HMBOX1: variants seen among roughly 807,000 people sequenced by gnomAD.
HMBOX1 encodes the protein homeobox-containing protein 1.
A neutral mutation model predicts 54.5 loss-of-function variants in HMBOX1; 14 were observed. The ratio of observed to expected loss-of-function variants is 0.26; its 90% CI spans 0.17 to 0.40. HMBOX1 has a LOEUF of 0.40. Among genes scored for constraint, HMBOX1 ranks in the 10% least tolerant of loss-of-function variants. The pLI, the probability that HMBOX1 is intolerant of heterozygous loss-of-function variation, is 1.00. For synonymous variants in HMBOX1, 160 were observed against 181.0 expected, an observed-to-expected ratio of 0.88 and a Z score of 0.93; for missense variants, 332 against 514.4, an observed-to-expected ratio of 0.65 and a Z score of 3.43.
At position 28,945,253 on chromosome 8, in the gene HMBOX1, G is replaced by A. The variant is rs143392097; in HGVS notation, c.-57-18558G>A. 1.7e-3 allele frequency among the ~76,000 whole-genome samples: 254 copies of A among 152,296 alleles called. 2 individuals carry two copies. Among genetic ancestry groups the A allele is most frequent in the Middle Eastern group, 0.01 (3 of 294 alleles). ...GTTCTCATACTGATCCCTTGAGGAAGATATCATTGTCCACAATTTACAGAA... is the reference window on the plus strand; with the variant it reads ...GTTCTCATACTGATCCCTTGAGGAAAATATCATTGTCCACAATTTACAGAA... On this transcript the variant is annotated intron_variant, in intron 1 of 9. Coordinates refer to ENST00000287701, the MANE Select transcript of HMBOX1 (RefSeq NM_001135726.3).
chr8:28,914,995 A>G (rs1294360414), intron 1 of HMBOX1, among the ~76,000 whole-genome samples: 2 of 152,208 alleles, frequency 1.3e-5, no homozygotes, highest in Non-Finnish European at 2.9e-5. Context: ...ATGGAAACCA[A>G]CAAACTATAA....
intron 1 of HMBOX1, among the ~76,000 whole-genome samples, chr8:28,956,108 CT>C (rs1266283848): frequency 6.6e-6 from 1 of 152,040 alleles, no homozygotes; most frequent in African/African-American, 2.4e-5. Flanking sequence ...CACTATATTT[CT>C]TTCCAAATGA....
chr8:28,892,961 G>GT (rs1289448713), intron 1 of HMBOX1, among the ~76,000 whole-genome samples: 1 of 152,116 alleles, frequency 6.6e-6, no homozygotes, highest in African/African-American at 2.4e-5. Flanking sequence ...TAGTCATGGA[G>GT]TTTTTTAAAA....
At chr8:28,996,722 G>C (rs75060296) in intron 4 of HMBOX1, among the ~76,000 whole-genome samples, 4,863 of 152,264 alleles carry the variant, frequency 0.032, 246 homozygotes, top group African/African-American at 0.11. Context: ...TCTTCTGAGA[G>C]TTTTATACTT....
rs548872305 is a variant in HMBOX1 at position 28,892,126 on chromosome 8, G to A, written c.-58+1448G>A. On this transcript the variant is annotated intron_variant, in intron 1 of 9. Coordinates refer to ENST00000287701, the MANE Select transcript of HMBOX1 (RefSeq NM_001135726.3). The stretch of plus-strand genomic sequence containing the variant: ...TGCTAATATGGTTGTGCTTTTTGTG[G>A]TTTTACCATAAAATGCATCGTTAAA... Among the ~76,000 whole-genome samples, 3 of 151,900 alleles carry A rather than the reference G, an allele frequency of 2.0e-5. No homozygotes were observed. In the South Asian group the frequency reaches 6.2e-4, roughly 32 times the overall value.
At chr8:28,916,546 C>T (rs1421324778) in intron 1 of HMBOX1, among the ~76,000 whole-genome samples, 2 of 152,156 alleles carry the variant, frequency 1.3e-5, no homozygotes, top group East Asian at 3.9e-4. Context: ...CGTGTTCTAG[C>T]TCCATTTATT....
chr8:28,893,361 C>T (rs1811801946), intron 1 of HMBOX1, among the ~76,000 whole-genome samples: 1 of 152,124 alleles, frequency 6.6e-6, no homozygotes, highest in Non-Finnish European at 1.5e-5. Flanking sequence ...CAATTTCATC[C>T]CGTAACTGTG....
intron 1 of HMBOX1, among the ~76,000 whole-genome samples, chr8:28,936,711 A>G (rs1820458221): frequency 6.6e-6 from 1 of 151,610 alleles, no homozygotes; most frequent in African/African-American, 2.4e-5. Context: ...GAGTTAGGTT[A>G]TAGAGATTCA....
intron 1 of HMBOX1, among the ~76,000 whole-genome samples, chr8:28,930,452 T>C (rs1156742445): frequency 6.6e-6 from 1 of 152,214 alleles, no homozygotes; most frequent in Admixed American, 6.5e-5. Context: ...ATACTGCTGC[T>C]AGATATTTAT....
chr8:28,927,831 CAAAAAAAA>C (rs34952149), intron 1 of HMBOX1, among the ~76,000 whole-genome samples: 5 of 52,750 alleles, frequency 9.5e-5, no homozygotes, highest in Non-Finnish European at 1.6e-4. Context: ...AACTCAGTCT[CAAAAAAAA>C]AAAAAAAAAA....
At chr8:28,998,551 G>A (rs1276761469) in intron 4 of HMBOX1, among the ~76,000 whole-genome samples, 3 of 151,996 alleles carry the variant, frequency 2.0e-5, no homozygotes, top group Admixed American at 6.6e-5. Flanking sequence ...AATCTGAAAT[G>A]TATCTCTTAT....
intron 4 of HMBOX1, among the ~76,000 whole-genome samples, chr8:29,000,999 A>G (rs1205046963): frequency 6.6e-6 from 1 of 152,214 alleles, no homozygotes; most frequent in Non-Finnish European, 1.5e-5. Context: ...ATGGAACAGC[A>G]GATTTTGCTG....
chr8:28,982,530 G>A (rs572577994), intron 4 of HMBOX1, among the ~76,000 whole-genome samples: 3 of 152,156 alleles, frequency 2.0e-5, no homozygotes, highest in East Asian at 3.9e-4. Context: ...GCTCATTGCA[G>A]CGTCCACCTC....
intron 1 of HMBOX1, among the ~76,000 whole-genome samples, chr8:28,924,378 G>A (rs1446371499): frequency 6.6e-6 from 1 of 151,734 alleles, no homozygotes; most frequent in Admixed American, 6.6e-5. Flanking sequence ...AAAGTGCTGG[G>A]ATTACAGGTG....
Position 29,049,230 on chromosome 8 carries a change from G to A in HMBOX1, c.1125+182G>A. Reference sequence around the variant, plus strand: ...GAAAGGAATGTGGTAAGATTCAGTTGTCCTGTTGAATTTGTGAGAGATCGT... The same window carrying A: ...GAAAGGAATGTGGTAAGATTCAGTTATCCTGTTGAATTTGTGAGAGATCGT... On this transcript the variant is annotated intron_variant, in intron 9 of 9. Transcript: ENST00000287701. The A allele has an allele frequency of 2.6e-6, 4 of 1,514,636 alleles. No individual in the cohort carries two copies. The South Asian group carries it at 4.9e-5, about 19-fold the overall frequency. The allele number at this position is 1,514,636 out of a possible 1,614,324, so 93.8% of individuals were successfully genotyped here. A position where few individuals can be genotyped will look rare whatever the true frequency, so the allele number is the denominator to read the frequency against.
intron 6 of HMBOX1, among the ~76,000 whole-genome samples, chr8:29,031,807 A>C (rs1803013707): frequency 6.6e-6 from 1 of 152,136 alleles, no homozygotes; most frequent in Non-Finnish European, 1.5e-5. Context: ...AGTCCATTGG[A>C]GGAGTCAGGT....
intron 1 of HMBOX1, among the ~76,000 whole-genome samples, chr8:28,950,114 G>T (rs1823146419): frequency 6.6e-6 from 1 of 152,222 alleles, no homozygotes; most frequent in Non-Finnish European, 1.5e-5. Flanking sequence ...CGGAATGCCA[G>T]TATGTATGTC....
intron 4 of HMBOX1, among the ~76,000 whole-genome samples, chr8:28,981,246 A>G (rs1044565855): frequency 6.6e-6 from 1 of 152,208 alleles, no homozygotes; most frequent in Non-Finnish European, 1.5e-5. Flanking sequence ...TACACTAGTA[A>G]TATATTTTTA....
chr8:28,955,502 T>C (rs1379729277), intron 1 of HMBOX1, among the ~76,000 whole-genome samples: 2 of 152,230 alleles, frequency 1.3e-5, no homozygotes, highest in Non-Finnish European at 2.9e-5. Context: ...TTTCTTAAAA[T>C]AGCATTTTAT....
Sources: allele counts gnomAD v4.1 joint callset (sites outside exome capture counted in the v4.1 genomes callset), GRCh38; gene constraint gnomAD v4.1.1; transcripts MANE v1.5; gene names NCBI Gene and HGNC (gene_info 2026-07-23, HGNC 2026-07-21).